ZNF134: variants seen among roughly 807,000 people sequenced by gnomAD.
ZNF134 encodes the protein zinc finger protein 134.
ZNF134 carries 5 observed loss-of-function variants against 2.5 expected under a neutral mutation model. The ratio of observed to expected loss-of-function variants is 2.03; its 90% CI spans 1.06 to 4.27. The LOEUF (loss-of-function observed/expected upper bound fraction) is 4.27, where lower values mean the gene tolerates loss of function less well. ZNF134 is among the 30% of genes most tolerant of loss of function. The pLI is 0.00. For synonymous variants in ZNF134, 176 were observed against 176.2 expected, an observed-to-expected ratio of 1.00 and a Z score of 0.01; for missense variants, 540 against 517.5, an observed-to-expected ratio of 1.04 and a Z score of -0.42.
At chr19:57,614,866 G>C (rs139266011) in intron 1 of ZNF134, among the ~76,000 whole-genome samples, 2,344 of 152,262 alleles carry the variant, frequency 0.015, 32 homozygotes, top group Non-Finnish European at 0.023. Flanking sequence ...CTACAGTGAG[G>C]TAGAAACGAT....
At chr19:57,614,866 G>A (rs139266011) in intron 1 of ZNF134, among the ~76,000 whole-genome samples, 5 of 152,146 alleles carry the variant, frequency 3.3e-5, no homozygotes, top group East Asian at 1.9e-4. Context: ...CTACAGTGAG[G>A]TAGAAACGAT....
Position 57,620,157 on chromosome 19 carries a change from C to T in ZNF134, c.41-3C>T, listed in dbSNP as rs1362514681. 40 of 1,608,008 alleles carry T rather than the reference C, an allele frequency of 2.5e-5. No homozygotes were observed. The highest frequency in any genetic ancestry group is 3.3e-5 in the Non-Finnish European group (39 of 1,176,276). On this transcript the variant is annotated splice_region_variant and splice_polypyrimidine_tract_variant and intron_variant, in intron 2 of 2. Transcript: ENST00000396161. The stretch of plus-strand genomic sequence containing the variant: ...TACATCAATAGTATTTTTCTGCCTT[C>T]AGGTTGTTGGCATGAAGTGAAGGAT...
At position 57,620,645 on chromosome 19, in the gene ZNF134, T is replaced by C. The variant is rs2122129889; in HGVS notation, c.526T>C (p.Tyr176His). ...GDAFHGEQMH[Y>H]KCSECGKAFS... ...TGCATTTCATGGTGAACAAATGCAT[T>C]ACAAGTGCAGTGAATGTGGGAAAGC... Residue 176 changes from tyrosine (Y) to histidine (H), a missense_variant, in exon 3 of 3, where the codon TAC becomes CAC. Physicochemically the swap from Tyr to His is moderately conservative, Grantham distance 83. Transcript: ENST00000396161. 1.2e-6 allele frequency: 2 copies of C among 1,614,184 alleles called. No homozygotes were observed. The highest frequency in any genetic ancestry group is 4.5e-5 in the East Asian group (2 of 44,890).
At chr19:57,615,324 A>C (rs1981021822) in intron 1 of ZNF134, among the ~76,000 whole-genome samples, 2 of 152,004 alleles carry the variant, frequency 1.3e-5, no homozygotes, top group Admixed American at 1.3e-4. Flanking sequence ...GATCAGATTT[A>C]GAGGGTGGAA....
At chr19:57,614,745 G>A (rs538726146) in intron 1 of ZNF134, among the ~76,000 whole-genome samples, 1 of 152,290 alleles carries the variant, frequency 6.6e-6, no homozygotes, top group East Asian at 1.9e-4. Flanking sequence ...GGGAGAAGTT[G>A]CTCCTTCATT....
intron 1 of ZNF134, among the ~76,000 whole-genome samples, chr19:57,614,798 G>A (rs12461243): frequency 0.015 from 2,313 of 152,250 alleles, 59 homozygotes; most frequent in Admixed American, 0.063. Flanking sequence ...ATGGTGGAGG[G>A]AAGGGATCCG....
At position 57,621,413 on chromosome 19, in the gene ZNF134, G is replaced by C. The variant is rs200517903; in HGVS notation, c.*10G>C. On this transcript the variant is annotated 3_prime_UTR_variant, in exon 3 of 3. Transcript: ENST00000396161. Reference sequence around the variant, plus strand: ...TGCAGGCAGGCTTTAGGAGTGCTTTGAATACAACAGGACTCATCAATCAGA... The same window carrying C: ...TGCAGGCAGGCTTTAGGAGTGCTTTCAATACAACAGGACTCATCAATCAGA... 1.5e-5 allele frequency: 24 copies of C among 1,611,298 alleles called. No individual in the cohort carries two copies. Among genetic ancestry groups the C allele is most frequent in the Non-Finnish European group, 1.9e-5 (23 of 1,180,022 alleles).
rs745573557 is a variant in ZNF134, at chr19:57,620,826, AAT to A, written c.708_709del (p.Cys237TrpfsTer24). The A allele has an allele frequency of 6.2e-7, 1 of 1,614,228 alleles. No homozygotes were observed. Among genetic ancestry groups the A allele is most frequent in the South Asian group, 1.1e-5 (1 of 91,090 alleles). On this transcript the variant is annotated frameshift_variant, in exon 3 of 3. Transcript: ENST00000396161. LOFTEE classifies it low-confidence loss of function (END_TRUNC). ...GGAGAAAGGCCTTATGAATGCAGCG[AAT>A]GTGGAAAAACCTTCAGTCGAAAAGA...
Position 57,622,940 on chromosome 19 carries a change from G to A in ZNF134, c.*1537G>A, listed in dbSNP as rs1981267863. On this transcript the variant is annotated 3_prime_UTR_variant, in exon 3 of 3. Coordinates refer to ENST00000396161, the MANE Select transcript of ZNF134 (RefSeq NM_003435.5). ...GCAATATATTGCACATATTTAAAGT[G>A]TACGAGTTAAGTCTTGATACACACA... The A allele has an allele frequency of 1.4e-5, 2 of 145,686 alleles. No individual in the cohort carries two copies. The highest frequency in any genetic ancestry group is 7.2e-5 in the Admixed American group (1 of 13,886). The allele number at this position is 145,686 out of a possible 1,614,324, so 9.0% of individuals were successfully genotyped here.
intron 1 of ZNF134, among the ~76,000 whole-genome samples, chr19:57,618,641 G>A (rs1032723194): frequency 6.6e-6 from 1 of 152,124 alleles, no homozygotes; most frequent in African/African-American, 2.4e-5. Flanking sequence ...AATATGAGTC[G>A]AGAACAGGCA....
At chr19:57,614,816 A>G (rs1452213560) in intron 1 of ZNF134, among the ~76,000 whole-genome samples, 2 of 152,126 alleles carry the variant, frequency 1.3e-5, no homozygotes, top group Non-Finnish European at 2.9e-5. Flanking sequence ...CCGAAAAAGG[A>G]TTTTTAAAGT....
chr19:57,614,442 T>A lies in ZNF134; in HGVS notation c.-119T>A, dbSNP rs1453573649. 1 of 443,004 alleles carries A rather than the reference T, an allele frequency of 2.3e-6. No homozygotes were observed. The highest frequency in any genetic ancestry group is 2.0e-5 in the African/African-American group (1 of 49,238). 27.4% of individuals were successfully genotyped at this position (443,004 alleles called of 1,614,324 possible). On this transcript the variant is annotated 5_prime_UTR_variant, in exon 1 of 3. Coordinates refer to ENST00000396161, the MANE Select transcript of ZNF134 (RefSeq NM_003435.5). ...CAGGGTCCCGCGACCTGGGACCCCC[T>A]CGCGGCTCCGGGTGGTCTACGAACT...
intron 1 of ZNF134, among the ~76,000 whole-genome samples, chr19:57,618,231 G>A (rs753049045): frequency 1.2e-4 from 19 of 152,208 alleles, no homozygotes; most frequent in Non-Finnish European, 2.1e-4. Context: ...GCCAGGAGGG[G>A]AAGATTTAAT....
At chr19:57,619,945 C>T (rs909822449) in intron 2 of ZNF134, among the ~76,000 whole-genome samples, 1 of 152,196 alleles carries the variant, frequency 6.6e-6, no homozygotes, top group Non-Finnish European at 1.5e-5. Flanking sequence ...GTACTACACC[C>T]CATCCTCGTG....
intron 1 of ZNF134, among the ~76,000 whole-genome samples, chr19:57,614,863 G>A (rs1249552781): frequency 1.3e-5 from 2 of 152,028 alleles, no homozygotes; most frequent in Middle Eastern, 6.8e-3. Flanking sequence ...CGACTACAGT[G>A]AGGTAGAAAC....
intron 1 of ZNF134, 131 bp from the exon 2 acceptor site, chr19:57,619,281 A>G (rs1266759293): frequency 2.8e-6 from 2 of 716,588 alleles, no homozygotes; most frequent in East Asian, 2.7e-5. Context: ...GGCCCACTGC[A>G]CTGTTCCTGC....
Position 57,620,477 on chromosome 19 carries a change from A to T in ZNF134, c.358A>T (p.Thr120Ser). 1 of 1,614,238 alleles carries T rather than the reference A, an allele frequency of 6.2e-7. No individual in the cohort carries two copies. Among genetic ancestry groups the T allele is most frequent in the African/African-American group, 1.3e-5 (1 of 75,056 alleles). ...TGAGGCCTCAATTGTGAAGAACTGC[A>T]CAGTTAGCAAAGAACCTCATCCGTC... Reference protein sequence around the residue: ...KSEASIVKNCTVSKEPHPSEK... With the variant: ...KSEASIVKNCSVSKEPHPSEK... The change falls in exon 3 of 3, where the codon ACA becomes TCA. Residue 120 changes from threonine to serine, a missense_variant. Physicochemically the swap from Thr to Ser is moderately conservative, Grantham distance 58. Coordinates refer to ENST00000396161, the MANE Select transcript of ZNF134 (RefSeq NM_003435.5).
chr19:57,621,601 C>G lies in ZNF134; in HGVS notation c.*198C>G. 1 of 843,368 alleles carries G rather than the reference C, an allele frequency of 1.2e-6. No homozygotes were observed. The highest frequency in any genetic ancestry group is 2.0e-6 in the Non-Finnish European group (1 of 492,662). The allele number at this position is 843,368 out of a possible 1,614,324, so 52.2% of individuals were successfully genotyped here. A position where few individuals can be genotyped will look rare whatever the true frequency, so the allele number is the denominator to read the frequency against. ...GTGGCCGAAACCATCTTAACTCTACCAGCTAAGATACCCCAGCATTGGGGA... is the reference window on the plus strand; with the variant it reads ...GTGGCCGAAACCATCTTAACTCTACGAGCTAAGATACCCCAGCATTGGGGA... On this transcript the variant is annotated 3_prime_UTR_variant, in exon 3 of 3. Transcript: ENST00000396161.
Position 57,621,554 on chromosome 19 carries a change from A to T in ZNF134, c.*151A>T, listed in dbSNP as rs1228284674. The stretch of plus-strand genomic sequence containing the variant: ...CTGACTTGCTCAGGTTTTTTGCCAG[A>T]GTTATGTCACTGTCAATCCATGTGG... On this transcript the variant is annotated 3_prime_UTR_variant, in exon 3 of 3. Coordinates refer to ENST00000396161, the MANE Select transcript of ZNF134 (RefSeq NM_003435.5). The T allele has an allele frequency of 8.2e-7, 1 of 1,212,716 alleles. No homozygotes were observed. Among genetic ancestry groups the T allele is most frequent in the African/African-American group, 1.5e-5 (1 of 67,408 alleles). 75.1% of individuals were successfully genotyped at this position (1,212,716 alleles called of 1,614,324 possible).
Sources: gnomAD v4.1 joint callset for allele counts (sites outside exome capture counted in the v4.1 genomes callset) on GRCh38, gnomAD v4.1.1 for gene constraint, MANE v1.5 for transcripts, NCBI Gene and HGNC (gene_info 2026-07-23, HGNC 2026-07-21) for gene names.